The following INSL6 variants were observed in gnomAD, a reference collection of about 807,000 sequenced individuals.
INSL6 encodes the protein insulin like 6.
INSL6 carries 16 observed loss-of-function variants against 9.4 expected under a neutral mutation model. The ratio of observed to expected loss-of-function variants is 1.70; its 90% confidence interval spans 1.15 to 2.59. The LOEUF is 2.59. Ranked by LOEUF, INSL6 falls within the 30% of genes most tolerant of loss-of-function variation. INSL6 has a pLI of 0.00. For missense variants in INSL6, 391 were observed against 257.3 expected (o/e 1.52, Z -3.56); for synonymous variants, 154 against 96.9 (o/e 1.59, Z -3.46).
In INSL6 at chr9:5,185,355, G is replaced by T. The variant is rs764449120; in HGVS notation, c.248C>A (p.Pro83Gln). 9.9e-6 allele frequency: 16 copies of T among 1,614,072 alleles called. No individual in the cohort carries two copies. The highest frequency in any genetic ancestry group is 1.4e-5 in the Non-Finnish European group (16 of 1,180,004). ...TCCCCGGGCCGGGGAAGCGGTTTGC[G>T]GGCTTTCGAACTGGTATGGGCTGTA... Reference protein sequence around the residue: ...EAYSPYQFESPQTASPARGRG... With the variant: ...EAYSPYQFESQQTASPARGRG... The change falls in exon 1 of 2, where the codon CCG becomes CAG. Residue 83 changes from proline (P) to glutamine (Q), a missense_variant. Transcript: ENST00000381641.
At chr9:5,069,255 T>A in the INSL6 span, 15 of 1,318,358 alleles carry the variant, frequency 1.1e-5, no homozygotes, top group Non-Finnish European at 1.5e-5. Flanking sequence ...CATGGATTGT[T>A]TATGTGGCGT....
chr9:5,099,801 C>G, the INSL6 span: 1 of 152,178 alleles, frequency 6.6e-6, no homozygotes, highest in African/African-American at 2.4e-5. Flanking sequence ...CTGCCTCAAC[C>G]AACCTCCTTG....
downstream of INSL6, among the ~76,000 whole-genome samples, chr9:5,163,343 C>G (rs1028383099): frequency 3.3e-5 from 5 of 152,174 alleles, no homozygotes; most frequent in African/African-American, 1.2e-4. Flanking sequence ...GACAGGGTAT[C>G]TTGGAGAGAT....
At chr9:5,059,042 A>T in the INSL6 span, among the ~76,000 whole-genome samples, 2 of 152,234 alleles carry the variant, frequency 1.3e-5, no homozygotes, top group Admixed American at 1.3e-4. Flanking sequence ...TAGCTAGTTC[A>T]ACTTTTGTTG....
the INSL6 span, among the ~76,000 whole-genome samples, chr9:5,062,172 C>G: frequency 6.6e-6 from 1 of 151,976 alleles, no homozygotes; most frequent in Non-Finnish European, 1.5e-5. Context: ...ATAGTATTCA[C>G]AGGATGCAAA....
At chr9:5,140,768 C>A (rs551348001) in intron 2 of INSL6, among the ~76,000 whole-genome samples, 165 of 152,062 alleles carry the variant, frequency 1.1e-3, no homozygotes, top group Admixed American at 5.0e-3. Flanking sequence ...GTTTGTTACA[C>A]AGGTAAACTT....
the INSL6 span, among the ~76,000 whole-genome samples, chr9:5,104,327 A>G: frequency 6.6e-6 from 1 of 152,216 alleles, no homozygotes; most frequent in African/African-American, 2.4e-5. Flanking sequence ...AAATGGATAA[A>G]TTCCTGGACA....
the INSL6 span, among the ~76,000 whole-genome samples, chr9:5,043,877 A>C: frequency 6.6e-6 from 1 of 152,220 alleles, no homozygotes; most frequent in Non-Finnish European, 1.5e-5. Context: ...TTAGATTGTG[A>C]TATTTGTACA....
At chr9:5,178,000 C>T (rs1361136070) in intron 1 of INSL6, among the ~76,000 whole-genome samples, 2 of 152,174 alleles carry the variant, frequency 1.3e-5, no homozygotes, top group Non-Finnish European at 2.9e-5. Context: ...CTCAGCCTCC[C>T]AAGTAGCTGG....
At chr9:5,006,147 G>A in the INSL6 span, among the ~76,000 whole-genome samples, 1 of 152,100 alleles carries the variant, frequency 6.6e-6, no homozygotes, top group African/African-American at 2.4e-5. Context: ...TCTTCCATTT[G>A]TTTGTATCCT....
chr9:5,177,476 T>G (rs1037153373), intron 1 of INSL6, among the ~76,000 whole-genome samples: 1 of 152,140 alleles, frequency 6.6e-6, no homozygotes, highest in African/African-American at 2.4e-5. Flanking sequence ...CAGAGCTGTG[T>G]GGAGTCTCAG....
chr9:5,124,716 G>C (rs1823864145), intron 3 of INSL6, among the ~76,000 whole-genome samples: 1 of 151,586 alleles, frequency 6.6e-6, no homozygotes, highest in African/African-American at 2.4e-5. Context: ...CAAACACATA[G>C]ATCAATGGAA....
intron 1 of INSL6, among the ~76,000 whole-genome samples, chr9:5,184,946 T>A (rs1334941496): frequency 6.6e-6 from 1 of 152,120 alleles, no homozygotes; most frequent in African/African-American, 2.4e-5. Flanking sequence ...CTAGATACTG[T>A]GGTAGAAAGG....
intron 1 of INSL6, among the ~76,000 whole-genome samples, chr9:5,166,273 G>T (rs11790841): frequency 6.6e-6 from 1 of 151,860 alleles, no homozygotes; most frequent in East Asian, 1.9e-4. Context: ...AGTCTTTCTA[G>T]GTCCACTTCT....
Position 5,164,054 on chromosome 9 carries a change from G to A in INSL6, c.501C>T (p.Pro167=), listed in dbSNP as rs779182047. ...CTGAATATCCTCTGCGTTTTCTTTG[G>A]GGATGATGCCCCCAAAACAAATTGC... ...TLSNLFWGHH[P]QRKRRGYSEK... Residue 167 remains proline (P), a synonymous_variant, in exon 2 of 2, where the codon CCC becomes CCT. Transcript: ENST00000381641. The A allele has an allele frequency of 6.2e-7, 1 of 1,613,422 alleles. No individual in the cohort carries two copies. Among genetic ancestry groups the A allele is most frequent in the African/African-American group, 1.3e-5 (1 of 74,818 alleles).
chr9:5,086,299 A>T, the INSL6 span, among the ~76,000 whole-genome samples: 1 of 152,126 alleles, frequency 6.6e-6, no homozygotes, highest in African/African-American at 2.4e-5. Flanking sequence ...TGGAGCCTGA[A>T]ACCTCTTATA....
the INSL6 span, among the ~76,000 whole-genome samples, chr9:5,106,155 T>C: frequency 6.6e-6 from 1 of 152,044 alleles, no homozygotes; most frequent in Admixed American, 6.6e-5. Flanking sequence ...TTTTGCAATC[T>C]ACCCATCAGA....
intron 2 of INSL6, among the ~76,000 whole-genome samples, chr9:5,152,257 C>T (rs956862103): frequency 6.6e-6 from 1 of 152,034 alleles, no homozygotes; most frequent in Non-Finnish European, 1.5e-5. Flanking sequence ...CAGAATATTC[C>T]ATCAAAAAAT....
the INSL6 span, among the ~76,000 whole-genome samples, chr9:5,044,798 T>C: frequency 6.6e-6 from 1 of 152,218 alleles, no homozygotes; most frequent in Non-Finnish European, 1.5e-5. Context: ...TCGCAAAGTA[T>C]AGACTGAGGT....
Sources: allele counts gnomAD v4.1 joint callset (sites outside exome capture counted in the v4.1 genomes callset), GRCh38; gene constraint gnomAD v4.1.1; transcripts MANE v1.5; gene names NCBI Gene and HGNC (gene_info 2026-07-23, HGNC 2026-07-21).